FHAD1: variants seen among roughly 807,000 people sequenced by gnomAD.
FHAD1 encodes forkhead associated phosphopeptide binding domain 1.
Under a neutral mutation model 191.3 loss-of-function variants are expected in FHAD1, and 146 were observed. The observed-to-expected ratio is 0.76, with a 90% confidence interval of 0.67 to 0.88. The LOEUF (loss-of-function observed/expected upper bound fraction) is 0.88. Ranked by LOEUF, FHAD1 falls within the 40% of genes least tolerant of loss-of-function variation. The pLI is 0.00. For synonymous variants in FHAD1, 616 were observed against 672.3 expected (o/e 0.92, Z 1.29); for missense variants, 1,635 against 1,785.8 (o/e 0.92, Z 1.52).
At chr1:15,254,018 C>T (rs1015024307) in intron 2 of FHAD1, among the ~76,000 whole-genome samples, 4 of 152,142 alleles carry the variant, frequency 2.6e-5, no homozygotes, top group African/African-American at 9.7e-5. Flanking sequence ...TAAACGCAAT[C>T]GATTTTAAAA....
intron 3 of FHAD1, among the ~76,000 whole-genome samples, chr1:15,274,766 G>C (rs1018425528): frequency 6.6e-6 from 1 of 152,188 alleles, no homozygotes; most frequent in Non-Finnish European, 1.5e-5. Context: ...ACAGCCTAGG[G>C]CATGGGCTCT....
chr1:15,252,000 C>A lies in FHAD1; in HGVS notation c.93+123C>A, dbSNP rs190504630. Reference sequence around the variant, plus strand: ...ACCACAACCTGGGCAAGCAGCCATACCTTTCCTTGGTGTGCTACCAATAGC... The same window carrying A: ...ACCACAACCTGGGCAAGCAGCCATAACTTTCCTTGGTGTGCTACCAATAGC... On this transcript the variant is annotated intron_variant, in intron 2 of 33. Coordinates refer to ENST00000688493, the MANE Select transcript of FHAD1 (RefSeq NM_001391957.1). 521 of 815,046 alleles carry A rather than the reference C, an allele frequency of 6.4e-4. 1 individual carries two copies. In the African/African-American group the frequency reaches 8.2e-3, roughly 13 times the overall value. The allele number at this position is 815,046 out of a possible 1,614,324, so 50.5% of individuals were successfully genotyped here. A position where few individuals can be genotyped will look rare whatever the true frequency, so the allele number is the denominator to read the frequency against.
intron 26 of FHAD1, among the ~76,000 whole-genome samples, chr1:15,371,283 G>A (rs1009548095): frequency 6.6e-6 from 1 of 152,204 alleles, no homozygotes; most frequent in African/African-American, 2.4e-5. Flanking sequence ...CTCTGTGCAC[G>A]TCTGTTGGAC....
chr1:15,265,138 A>T (rs2101058557), intron 2 of FHAD1, among the ~76,000 whole-genome samples: 1 of 152,246 alleles, frequency 6.6e-6, no homozygotes, highest in Non-Finnish European at 1.5e-5. Flanking sequence ...GTTTTCTTAT[A>T]ATGTCTTTGG....
intron 14 of FHAD1, among the ~76,000 whole-genome samples, chr1:15,330,279 T>C (rs1478914649): frequency 6.6e-6 from 1 of 152,244 alleles, no homozygotes; most frequent in Non-Finnish European, 1.5e-5. Flanking sequence ...CTGCTCATAT[T>C]ATCTTTATTC....
chr1:15,349,406 C>T (rs937714825), intron 19 of FHAD1, among the ~76,000 whole-genome samples: 1 of 152,216 alleles, frequency 6.6e-6, no homozygotes, highest in Non-Finnish European at 1.5e-5. Context: ...CATAGGACTG[C>T]ACCCTGCATC....
In FHAD1 at chr1:15,312,448, C is replaced by G. The variant is rs932167244; in HGVS notation, c.1040-609C>G. Among the ~76,000 whole-genome samples, 6 of 152,146 alleles carry G rather than the reference C, an allele frequency of 3.9e-5. No individual in the cohort carries two copies. The highest frequency in any genetic ancestry group is 1.4e-4 in the African/African-American group (6 of 41,418). ...GACAGAGGCTGGTGGATTGCTTCAG[C>G]CTGGGAGTTTGAGACCCGCCTGGGC... On this transcript the variant is annotated intron_variant, in intron 7 of 33. Transcript: ENST00000688493. The surrounding 1 kb of genome is among the most constrained non-coding windows in gnomAD (Gnocchi z 4.7).
At chr1:15,278,282 A>G (rs1366413368) in intron 3 of FHAD1, among the ~76,000 whole-genome samples, 1 of 152,106 alleles carries the variant, frequency 6.6e-6, no homozygotes, top group African/African-American at 2.4e-5. Flanking sequence ...CACTCATAAC[A>G]CTATGCTATT....
chr1:15,271,140 GA>G (rs543401814), intron 2 of FHAD1, among the ~76,000 whole-genome samples: 7,237 of 76,316 alleles, frequency 0.095, 270 homozygotes, highest in African/African-American at 0.17. Flanking sequence ...CTCCATCTCG[GA>G]AAAAAAAAAA....
chr1:15,275,016 A>G (rs1009840885), intron 3 of FHAD1, among the ~76,000 whole-genome samples: 1 of 152,000 alleles, frequency 6.6e-6, no homozygotes. Flanking sequence ...AGGCTGGAGT[A>G]CAGTGGCCCG....
intron 2 of FHAD1, among the ~76,000 whole-genome samples, chr1:15,256,006 A>T (rs1647880964): frequency 6.6e-6 from 1 of 152,210 alleles, no homozygotes; most frequent in South Asian, 2.1e-4. Context: ...CTCCTTTCAG[A>T]ATCTGCCCCT....
At chr1:15,390,460 T>G (rs1243364919) in intron 32 of FHAD1, among the ~76,000 whole-genome samples, 1 of 151,796 alleles carries the variant, frequency 6.6e-6, no homozygotes, top group African/African-American at 2.4e-5. Flanking sequence ...CGCCACCAGC[T>G]TCCAGCCCCT....
Position 15,312,684 on chromosome 1 carries a change from G to C in FHAD1, c.1040-373G>C, listed in dbSNP as rs922438903. The stretch of plus-strand genomic sequence containing the variant: ...CTCAAGAAAAAAGACGACTGAGCTA[G>C]TAAGTGCTAGAGACGGTTTCCAAAC... On this transcript the variant is annotated intron_variant, in intron 7 of 33. Transcript: ENST00000688493. The surrounding 1 kb of genome is among the most constrained non-coding windows in gnomAD (Gnocchi z 4.7). Among the ~76,000 whole-genome samples, 1 of 152,162 alleles carries C rather than the reference G, an allele frequency of 6.6e-6. No homozygotes were observed. The highest frequency in any genetic ancestry group is 1.5e-5 in the Non-Finnish European group (1 of 68,030).
At chr1:15,243,236 T>C (rs1308484518), upstream of FHAD1, among the ~76,000 whole-genome samples, 2 of 152,214 alleles carry the variant, frequency 1.3e-5, no homozygotes, top group Non-Finnish European at 2.9e-5. Context: ...CTCTCCATGG[T>C]TTGAAATTAT....
chr1:15,398,677 G>A (rs984224164), downstream of FHAD1, among the ~76,000 whole-genome samples: 9 of 151,692 alleles, frequency 5.9e-5, no homozygotes, highest in African/African-American at 2.2e-4. Context: ...GTTCCACGGT[G>A]TTTGGAGAGA....
At chr1:15,304,959 C>T (rs564853071) in intron 6 of FHAD1, among the ~76,000 whole-genome samples, 1 of 151,734 alleles carries the variant, frequency 6.6e-6, no homozygotes, top group African/African-American at 2.4e-5. Flanking sequence ...TTGTCGGGGT[C>T]CCCCCCGACT....
At chr1:15,300,277 G>A (rs1668336012) in intron 5 of FHAD1, among the ~76,000 whole-genome samples, 2 of 152,106 alleles carry the variant, frequency 1.3e-5, no homozygotes, top group African/African-American at 4.8e-5. Context: ...TGTGGGTACA[G>A]CCTGCCAAGC....
chr1:15,331,675 G>C (rs1681634053), intron 14 of FHAD1, among the ~76,000 whole-genome samples: 1 of 151,458 alleles, frequency 6.6e-6, no homozygotes, highest in African/African-American at 2.4e-5. Context: ...AGGCAGGAGG[G>C]AAGGCAGGAA....
At position 15,390,872 on chromosome 1, in the gene FHAD1, C is replaced by T. The variant is rs190791454; in HGVS notation, c.4270-338C>T. Among the ~76,000 whole-genome samples the T allele has an allele frequency of 1.8e-3, 277 of 152,280 alleles. 1 individual carries two copies. The highest frequency in any genetic ancestry group is 6.5e-3 in the African/African-American group (271 of 41,556). On this transcript the variant is annotated intron_variant, in intron 32 of 33. Coordinates refer to ENST00000688493, the MANE Select transcript of FHAD1 (RefSeq NM_001391957.1). Reference sequence around the variant, plus strand: ...CCCCTTCCACTTGCTCTGGGAGGCGCTGCCTCGAGCTAAAACAGACGTGTC... The same window carrying T: ...CCCCTTCCACTTGCTCTGGGAGGCGTTGCCTCGAGCTAAAACAGACGTGTC...
Sources: gnomAD v4.1 joint callset for allele counts (sites outside exome capture counted in the v4.1 genomes callset) on GRCh38, gnomAD v4.1.1 for gene constraint, Gnocchi (gnomAD v3.1) non-coding constraint, MANE v1.5 for transcripts, NCBI Gene and HGNC (gene_info 2026-07-23, HGNC 2026-07-21) for gene names.